The following PCDHGA5 variants were observed in gnomAD, a reference collection of about 807,000 sequenced individuals.
PCDHGA5 encodes protocadherin gamma-A5.
A neutral mutation model predicts 56.7 loss-of-function variants in PCDHGA5; 36 were observed. The observed-to-expected ratio is 0.64, with a 90% CI of 0.49 to 0.84. PCDHGA5 has a LOEUF of 0.84. PCDHGA5 is among the 40% of genes least tolerant of loss of function. The probability of loss-of-function intolerance (pLI) is 0.00; values close to 1 mark genes in which losing one functional copy is unlikely to be tolerated. For synonymous variants in PCDHGA5, 563 were observed against 520.2 expected (o/e 1.08, Z -1.12); for missense variants, 1,305 against 1,201.5 (o/e 1.09, Z -1.27).
At chr5:141,368,236 C>T (rs1444187989) in intron 1 of PCDHGA5, among the ~76,000 whole-genome samples, 1 of 152,160 alleles carries the variant, frequency 6.6e-6, no homozygotes, top group Non-Finnish European at 1.5e-5. Context: ...CTACATTACT[C>T]AACCACATGA....
chr5:141,456,715 A>G (rs2098881350), intron 1 of PCDHGA5, among the ~76,000 whole-genome samples: 1 of 152,204 alleles, frequency 6.6e-6, no homozygotes, highest in South Asian at 2.1e-4. Flanking sequence ...CTGTAATCCC[A>G]GCACTTTGGG....
chr5:141,409,412 C>A, intron 1 of PCDHGA5: 1 of 1,614,032 alleles, frequency 6.2e-7, no homozygotes, highest in Non-Finnish European at 8.5e-7. Flanking sequence ...CTACTACAAA[C>A]TGGTGACAGA....
chr5:141,421,082 C>A, intron 1 of PCDHGA5: 1 of 640,114 alleles, frequency 1.6e-6, no homozygotes, highest in Non-Finnish European at 2.6e-6. Flanking sequence ...TGGATACTCA[C>A]AGATCCTGAC....
At chr5:141,381,889 G>T (rs1385598954) in intron 1 of PCDHGA5, among the ~76,000 whole-genome samples, 1 of 132,634 alleles carries the variant, frequency 7.5e-6, no homozygotes, top group Non-Finnish European at 1.5e-5. Context: ...GAGTGCAATG[G>T]TGTGATCTCG....
rs2097461148 is a variant in PCDHGA5 at position 141,432,174 on chromosome 5, T to C, written c.2422-62633T>C. ...AACAATCCCAGAGGAGTTTCCCTCGTCTCTGTGACCGCCCACGACCCCGAC... is the reference window on the plus strand; with the variant it reads ...AACAATCCCAGAGGAGTTTCCCTCGCCTCTGTGACCGCCCACGACCCCGAC... On this transcript the variant is annotated intron_variant, in intron 1 of 3. Transcript: ENST00000518069. The surrounding 1 kb of genome is among the most constrained non-coding windows in gnomAD (Gnocchi z 6.0). 1 of 1,614,088 alleles carries C rather than the reference T, an allele frequency of 6.2e-7. No homozygotes were observed. Among genetic ancestry groups the C allele is most frequent in the Non-Finnish European group, 8.5e-7 (1 of 1,180,022 alleles).
chr5:141,410,530 T>C (rs1400165380), intron 1 of PCDHGA5: 1 of 1,613,956 alleles, frequency 6.2e-7, no homozygotes, highest in South Asian at 1.1e-5. Context: ...TACATTCCAA[T>C]GAAGACATGG....
chr5:141,372,338 T>C, intron 1 of PCDHGA5: 1 of 1,613,820 alleles, frequency 6.2e-7, no homozygotes, highest in Non-Finnish European at 8.5e-7. Context: ...CTGTGCGTGA[T>C]GGAGGACAGC....
At chr5:141,415,372 G>A in intron 1 of PCDHGA5, 1 of 1,614,252 alleles carries the variant, frequency 6.2e-7, no homozygotes, top group Non-Finnish European at 8.5e-7. Flanking sequence ...GCAGGCTTCA[G>A]GAGGCGGCTT....
intron 1 of PCDHGA5, chr5:141,399,003 A>C: frequency 6.2e-7 from 1 of 1,613,966 alleles, no homozygotes; most frequent in East Asian, 2.2e-5. Context: ...GTCTGAATTC[A>C]AAGAGCGGAG....
At chr5:141,375,216 T>G in intron 1 of PCDHGA5, 1 of 1,614,014 alleles carries the variant, frequency 6.2e-7, no homozygotes, top group Non-Finnish European at 8.5e-7. Flanking sequence ...GACTCTGGCC[T>G]GAATGGCCTG....
At chr5:141,474,252 A>T (rs1381172188) in intron 1 of PCDHGA5, among the ~76,000 whole-genome samples, 1 of 152,200 alleles carries the variant, frequency 6.6e-6, no homozygotes, top group Non-Finnish European at 1.5e-5. Flanking sequence ...GGAAAAAAAG[A>T]CTGATAAACC....
chr5:141,508,077 G>T (rs1166570509), intron 3 of PCDHGA5: 1 of 152,446 alleles, frequency 6.6e-6, no homozygotes, highest in Non-Finnish European at 1.5e-5. Context: ...GGCTACTCTG[G>T]AGTTGCTGCC....
chr5:141,394,802 C>A, intron 1 of PCDHGA5: 1 of 1,613,810 alleles, frequency 6.2e-7, no homozygotes, highest in East Asian at 2.2e-5. Context: ...TCACCGTAGC[C>A]GTGGCTGACA....
rs1254680765 is a variant in PCDHGA5 at position 141,491,399 on chromosome 5, A to G, written c.2422-3408A>G. ...CTGTCAGCGAAGTGCCTTCAGGGAA[A>G]CGCAGACGGGGACGGGGGTGGAGGG... On this transcript the variant is annotated intron_variant, in intron 1 of 3. Transcript: ENST00000518069. This position sits in a 1 kb window ranked among gnomAD's most constrained non-coding sequence, Gnocchi z 6.9. 3 of 1,613,998 alleles carry G rather than the reference A, an allele frequency of 1.9e-6. No homozygotes were observed. Among genetic ancestry groups the G allele is most frequent in the Non-Finnish European group, 2.5e-6 (3 of 1,180,028 alleles).
At position 141,487,670 on chromosome 5, in the gene PCDHGA5, T is replaced by C. The variant is rs2099658277; in HGVS notation, c.2422-7137T>C. 2 of 1,612,302 alleles carry C rather than the reference T, an allele frequency of 1.2e-6. No homozygotes were observed. Among genetic ancestry groups the C allele is most frequent in the Non-Finnish European group, 1.7e-6 (2 of 1,179,082 alleles). On this transcript the variant is annotated intron_variant, in intron 1 of 3. Transcript: ENST00000518069. The surrounding 1 kb of genome is among the most constrained non-coding windows in gnomAD (Gnocchi z 5.0). The stretch of plus-strand genomic sequence containing the variant: ...TGAGGGTTATTCTGATCCAGGCATA[T>C]GGCTAGGCCATGTCCTAGAGAGTAC...
At chr5:141,428,081 C>G (rs768842388) in intron 1 of PCDHGA5, 3 of 1,609,218 alleles carry the variant, frequency 1.9e-6, no homozygotes, top group South Asian at 2.2e-5. Context: ...CGGGACACAA[C>G]GCTTGGCTGT....
chr5:141,394,432 C>T (rs1561648568), intron 1 of PCDHGA5: 2 of 1,614,238 alleles, frequency 1.2e-6, no homozygotes, highest in Admixed American at 1.7e-5. Flanking sequence ...AGCGGGGACC[C>T]GCCCCTCAGC....
At chr5:141,441,849 G>A (rs1192040398) in intron 1 of PCDHGA5, 2 of 345,448 alleles carry the variant, frequency 5.8e-6, no homozygotes, top group Non-Finnish European at 1.1e-5. Context: ...TCTTGGATAT[G>A]GTGCTGCACG....
At chr5:141,403,146 G>T (rs1400601984) in intron 1 of PCDHGA5, 2 of 1,614,056 alleles carry the variant, frequency 1.2e-6, no homozygotes, top group Middle Eastern at 1.6e-4. Context: ...CGCCGAGTCC[G>T]CATCGTCTCT....
Sources: allele counts gnomAD v4.1 joint callset (sites outside exome capture counted in the v4.1 genomes callset), GRCh38; gene constraint gnomAD v4.1.1; non-coding constraint Gnocchi (gnomAD v3.1); transcripts MANE v1.5; gene names NCBI Gene and HGNC (gene_info 2026-07-23, HGNC 2026-07-21).